The following FHIT variants were observed in gnomAD, a reference collection of about 807,000 sequenced individuals.
FHIT encodes the protein bis(5'-adenosyl)-triphosphatase.
Under a neutral mutation model 17.9 loss-of-function variants are expected in FHIT, and 19 were observed. That is an observed-to-expected ratio of 1.06 (90% CI 0.74 to 1.56). The LOEUF is 1.56. FHIT is among the 40% of genes most tolerant of loss of function. The pLI is 0.00. For synonymous variants in FHIT, 81 were observed against 69.7 expected, an observed-to-expected ratio of 1.16 and a Z score of -0.81; for missense variants, 248 against 189.2, an observed-to-expected ratio of 1.31 and a Z score of -1.82.
intron 4 of FHIT, among the ~76,000 whole-genome samples, chr3:60,768,288 G>A (rs1374979818): frequency 2.0e-5 from 3 of 152,160 alleles, no homozygotes; most frequent in Admixed American, 6.5e-5. Flanking sequence ...AGACTGAAAG[G>A]GAAGGGAACA....
chr3:61,214,561 C>T (rs976494689), intron 1 of FHIT, among the ~76,000 whole-genome samples: 4 of 151,912 alleles, frequency 2.6e-5, no homozygotes, highest in South Asian at 2.1e-4. Flanking sequence ...GATTCACAGC[C>T]GAATTCTACC....
At chr3:60,432,805 T>A (rs1421199316) in intron 5 of FHIT, among the ~76,000 whole-genome samples, 3 of 152,086 alleles carry the variant, frequency 2.0e-5, no homozygotes, top group Non-Finnish European at 2.9e-5. Context: ...CCTATTAACA[T>A]CAAATCACCT....
chr3:61,075,617 T>C (rs1258834516), intron 2 of FHIT, among the ~76,000 whole-genome samples: 2 of 152,124 alleles, frequency 1.3e-5, no homozygotes, highest in Admixed American at 6.6e-5. Context: ...TTGATATAAC[T>C]AGGGAAAGTT....
At chr3:60,831,757 C>T (rs1559756388) in intron 3 of FHIT, among the ~76,000 whole-genome samples, 1 of 152,042 alleles carries the variant, frequency 6.6e-6, no homozygotes, top group Non-Finnish European at 1.5e-5. Flanking sequence ...CCAAGACCAC[C>T]CAGCTGCTCT....
intron 5 of FHIT, among the ~76,000 whole-genome samples, chr3:60,452,651 G>C (rs531344882): frequency 6.6e-6 from 1 of 152,092 alleles, no homozygotes; most frequent in Non-Finnish European, 1.5e-5. Context: ...CTCTCAAGCT[G>C]ATTAAATATT....
chr3:60,078,807 G>C (rs1443359338), intron 5 of FHIT, among the ~76,000 whole-genome samples: 1 of 151,930 alleles, frequency 6.6e-6, no homozygotes, highest in Non-Finnish European at 1.5e-5. Context: ...TCATATATAG[G>C]TGAGAGAGAG....
chr3:60,626,515 A>G (rs1553680986), intron 4 of FHIT, among the ~76,000 whole-genome samples: 1 of 152,184 alleles, frequency 6.6e-6, no homozygotes, highest in East Asian at 1.9e-4. Flanking sequence ...ATTGTCTATC[A>G]CAAGTGAATA....
intron 5 of FHIT, among the ~76,000 whole-genome samples, chr3:60,409,667 T>G (rs573523537): frequency 6.6e-6 from 1 of 152,234 alleles, no homozygotes; most frequent in Non-Finnish European, 1.5e-5. Context: ...ATTTTCTTGC[T>G]GAAAGTAATA....
At chr3:60,972,779 C>G (rs915750726) in intron 3 of FHIT, among the ~76,000 whole-genome samples, 3 of 152,076 alleles carry the variant, frequency 2.0e-5, no homozygotes, top group Non-Finnish European at 4.4e-5. Flanking sequence ...CTGCTTTAAT[C>G]TGGATATTTT....
intron 3 of FHIT, among the ~76,000 whole-genome samples, chr3:60,830,956 G>A (rs962529782): frequency 6.6e-6 from 1 of 152,016 alleles, no homozygotes. Context: ...GTGATATAAG[G>A]GCAGTAAATA....
intron 5 of FHIT, among the ~76,000 whole-genome samples, chr3:60,514,046 C>G (rs1177371514): frequency 6.6e-6 from 1 of 152,172 alleles, no homozygotes; most frequent in East Asian, 1.9e-4. Context: ...CTTCCCACTC[C>G]ATTCCCTTTC....
At chr3:60,291,457 C>CA (rs1204814917) in intron 5 of FHIT, among the ~76,000 whole-genome samples, 9 of 151,616 alleles carry the variant, frequency 5.9e-5, no homozygotes, top group African/African-American at 1.7e-4. Context: ...ATGGTAACAA[C>CA]AAAAAAAGGG....
intron 3 of FHIT, among the ~76,000 whole-genome samples, chr3:60,968,633 G>A (rs9808941): frequency 0.011 from 1,702 of 152,156 alleles, 23 homozygotes; most frequent in African/African-American, 0.038. Flanking sequence ...GGCTGGTCTC[G>A]AACTCCTGAC....
chr3:60,441,698 GTATT>G (rs1458602695), intron 5 of FHIT, among the ~76,000 whole-genome samples: 1 of 6,918 alleles, frequency 1.4e-4, no homozygotes, highest in Non-Finnish European at 3.1e-4. Context: ...GCATCTGTAG[GTATT>G]TATATATATA....
At chr3:60,587,940 A>G (rs1306375421) in intron 4 of FHIT, among the ~76,000 whole-genome samples, 5 of 151,414 alleles carry the variant, frequency 3.3e-5, no homozygotes, top group African/African-American at 1.2e-4. Context: ...TCCAAAGATC[A>G]TGCAATGCCC....
At position 59,839,840 on chromosome 3, in the gene FHIT, C is replaced by T. The variant is rs140642153; in HGVS notation, c.348+82506G>A. Among the ~76,000 whole-genome samples, 9 of 152,274 alleles carry T rather than the reference C, an allele frequency of 5.9e-5. No individual in the cohort carries two copies. The East Asian group carries it at 1.7e-3, about 29-fold the overall frequency. ...CATCATGTCCTCTCCTTGTGCAAAA[C>T]GGTTAAGTCCTGAACATTTTCTAAA... On this transcript the variant is annotated intron_variant, in intron 8 of 9. Coordinates refer to ENST00000492590, the MANE Select transcript of FHIT (RefSeq NM_002012.4).
intron 2 of FHIT, among the ~76,000 whole-genome samples, chr3:61,060,656 A>T (rs2034394652): frequency 1.3e-5 from 2 of 152,236 alleles, no homozygotes; most frequent in African/African-American, 4.8e-5. Context: ...CTATGGCCCA[A>T]ATGTGTGACT....
At chr3:60,337,151 C>G (rs2106880550) in intron 5 of FHIT, among the ~76,000 whole-genome samples, 1 of 152,292 alleles carries the variant, frequency 6.6e-6, no homozygotes, top group African/African-American at 2.4e-5. Flanking sequence ...GACAACAATT[C>G]TTTCCTTAAT....
At chr3:60,713,657 C>A (rs1287090818) in intron 4 of FHIT, among the ~76,000 whole-genome samples, 2 of 152,282 alleles carry the variant, frequency 1.3e-5, no homozygotes, top group East Asian at 3.9e-4. Context: ...CACCTCTATG[C>A]AAATAAACTA....
Sources: allele counts gnomAD v4.1 joint callset (sites outside exome capture counted in the v4.1 genomes callset), GRCh38; gene constraint gnomAD v4.1.1; transcripts MANE v1.5; gene names NCBI Gene and HGNC (gene_info 2026-07-23, HGNC 2026-07-21).